Variants in DPP6 observed in about 807,000 individuals in gnomAD.
DPP6 encodes the protein dipeptidyl peptidase like 6, also known as A-type potassium channel modulatory protein DPP6.
A neutral mutation model predicts 122.6 loss-of-function variants in DPP6; 69 were observed. That is an observed-to-expected ratio of 0.56 (90% CI 0.46 to 0.69). DPP6 has a LOEUF of 0.69. Among genes scored for constraint, DPP6 ranks in the 30% least tolerant of loss-of-function variants. DPP6 has a pLI of 0.00. For missense variants in DPP6, 928 were observed against 1,116.9 expected, an observed-to-expected ratio of 0.83 and a Z score of 2.41; for synonymous variants, 418 against 433.1, an observed-to-expected ratio of 0.97 and a Z score of 0.43.
rs373298408 is a variant in DPP6 at position 154,885,771 on chromosome 7, C to T, written c.2245+27C>T. The T allele has an allele frequency of 7.9e-5, 123 of 1,559,878 alleles. No homozygotes were observed. The African/African-American group carries it at 1.3e-3, about 16-fold the overall frequency. ...TAAATAGCCCTGCAGGACCAAGCGA[C>T]GGGCTCTGCTCCCGCCCCGCCCCGC... On this transcript the variant is annotated intron_variant, in intron 22 of 25. Coordinates refer to ENST00000377770, the MANE Select transcript of DPP6 (RefSeq NM_130797.4).
chr7:154,053,088 G>C (rs1238808536), intron 1 of DPP6, 25 bp downstream of exon 1: 1 of 1,068,520 alleles, frequency 9.4e-7, no homozygotes, highest in African/African-American at 1.7e-5. Context: ...GGGGCGGGGG[G>C]CGGCGGCGGG....
chr7:153,971,523 G>A (rs1796013711), intron 1 of DPP6, among the ~76,000 whole-genome samples: 1 of 141,792 alleles, frequency 7.1e-6, no homozygotes, highest in Non-Finnish European at 1.5e-5. Flanking sequence ...GGGGAAAAGT[G>A]TTCAGTATTC....
At chr7:154,472,997 C>T (rs781276004) in intron 2 of DPP6, among the ~76,000 whole-genome samples, 8 of 152,200 alleles carry the variant, frequency 5.3e-5, no homozygotes, top group South Asian at 2.1e-4. Context: ...TTATTTCCAA[C>T]GTTTGTTTAA....
intron 1 of DPP6, among the ~76,000 whole-genome samples, chr7:154,134,299 A>G (rs35816134): frequency 6.6e-6 from 1 of 152,324 alleles, no homozygotes. Flanking sequence ...GGAAGTCTCC[A>G]GAACTATGAT....
intron 1 of DPP6, among the ~76,000 whole-genome samples, chr7:154,005,400 G>A (rs1052836950): frequency 1.3e-5 from 2 of 151,960 alleles, no homozygotes; most frequent in African/African-American, 4.8e-5. Context: ...GAGAAAGGTC[G>A]AACGCTTGGT....
In DPP6 at chr7:154,170,486, G is replaced by A. The variant is rs144933119; in HGVS notation, c.243+117423G>A. On this transcript the variant is annotated intron_variant, in intron 1 of 25. Coordinates refer to ENST00000377770, the MANE Select transcript of DPP6 (RefSeq NM_130797.4). ...TCCTGAAGACAGTGGTCACGACCTC[G>A]CCCAACCCTGGGCTGGGGCTCAGCC... Among the ~76,000 whole-genome samples, 23 of 152,270 alleles carry A rather than the reference G, an allele frequency of 1.5e-4. 1 individual carries two copies. Among genetic ancestry groups the A allele is most frequent in the African/African-American group, 4.8e-4 (20 of 41,564 alleles).
At chr7:154,825,626 G>A (rs952427506) in intron 16 of DPP6, among the ~76,000 whole-genome samples, 1 of 152,212 alleles carries the variant, frequency 6.6e-6, no homozygotes, top group East Asian at 1.9e-4. Flanking sequence ...TCAGTGTTGA[G>A]GAAGCCAGGG....
chr7:154,581,357 A>G (rs76286576), intron 5 of DPP6, among the ~76,000 whole-genome samples: 27 of 152,262 alleles, frequency 1.8e-4, no homozygotes, highest in Non-Finnish European at 1.5e-4. Context: ...GGGGACAGGA[A>G]GAAGGGGACA....
the DPP6 span, among the ~76,000 whole-genome samples, chr7:153,827,864 T>G: frequency 1.4e-3 from 207 of 152,248 alleles, 1 homozygote; most frequent in Non-Finnish European, 5.7e-4. Context: ...ACAGCTGGAC[T>G]TTTACCTGCA....
chr7:153,928,818 T>C (rs1801043267), intron 1 of DPP6, among the ~76,000 whole-genome samples: 1 of 152,130 alleles, frequency 6.6e-6, no homozygotes, highest in African/African-American at 2.4e-5. Flanking sequence ...TTAACTTATA[T>C]ATTTCAAAAC....
chr7:154,436,360 A>G (rs1161144184), intron 1 of DPP6, among the ~76,000 whole-genome samples: 3 of 151,548 alleles, frequency 2.0e-5, no homozygotes, highest in Admixed American at 2.0e-4. Context: ...CTCAGCTCAA[A>G]TTCTCTTCCT....
chr7:154,003,248 C>T (rs975874425), intron 1 of DPP6, among the ~76,000 whole-genome samples: 1 of 152,104 alleles, frequency 6.6e-6, no homozygotes, highest in Non-Finnish European at 1.5e-5. Flanking sequence ...CTAGTGGCTA[C>T]AGGATAGCAT....
At chr7:154,165,826 T>C (rs1797220695) in intron 1 of DPP6, among the ~76,000 whole-genome samples, 1 of 152,232 alleles carries the variant, frequency 6.6e-6, no homozygotes, top group Non-Finnish European at 1.5e-5. Flanking sequence ...TATCTGTTCA[T>C]GTCCTTTGCC....
intron 7 of DPP6, among the ~76,000 whole-genome samples, chr7:154,673,911 C>T (rs1838730591): frequency 6.6e-6 from 1 of 150,916 alleles, no homozygotes; most frequent in Non-Finnish European, 1.5e-5. Flanking sequence ...GAATCTCCCT[C>T]TGTCACCCAG....
At chr7:154,111,620 C>CGTGTGTGTGTGTGTGT (rs71309604) in intron 1 of DPP6, among the ~76,000 whole-genome samples, 16 of 134,996 alleles carry the variant, frequency 1.2e-4, no homozygotes, top group African/African-American at 4.1e-4. Flanking sequence ...GGCAGGGTTT[C>CGTGTGTGTGTGTGTGT]GTGTGTGTGT....
chr7:153,799,200 C>A, the DPP6 span, among the ~76,000 whole-genome samples: 2 of 152,156 alleles, frequency 1.3e-5, no homozygotes, highest in Admixed American at 6.5e-5. Context: ...CAGAAAAATT[C>A]TTCACCTTCA....
rs1461058125 is a variant in DPP6, at chr7:154,760,016, G to A, written c.884-9401G>A. ...TGCACACCTGTAGTCCCAGCTACTCGGGAGGCCGAGGCAGAAGAATCACTT... is the reference window on the plus strand; with the variant it reads ...TGCACACCTGTAGTCCCAGCTACTCAGGAGGCCGAGGCAGAAGAATCACTT... On this transcript the variant is annotated intron_variant, in intron 8 of 25. Coordinates refer to ENST00000377770, the MANE Select transcript of DPP6 (RefSeq NM_130797.4). The surrounding 1 kb of genome is among the most constrained non-coding windows in gnomAD (Gnocchi z 4.5). Among the ~76,000 whole-genome samples, 5 of 152,100 alleles carry A rather than the reference G, an allele frequency of 3.3e-5. No individual in the cohort carries two copies. The highest frequency in any genetic ancestry group is 1.9e-4 in the East Asian group (1 of 5,192).
chr7:154,270,541 C>T (rs1057386705), intron 1 of DPP6, among the ~76,000 whole-genome samples: 2 of 152,066 alleles, frequency 1.3e-5, no homozygotes, highest in Admixed American at 1.3e-4. Flanking sequence ...GTGCCATGTC[C>T]CCCAGAGGAT....
intron 1 of DPP6, among the ~76,000 whole-genome samples, chr7:154,082,666 G>C (rs1209071836): frequency 6.6e-6 from 1 of 151,654 alleles, no homozygotes; most frequent in Non-Finnish European, 1.5e-5. Flanking sequence ...TTCCTCCACT[G>C]TCAGAGGCAG....
Sources: allele counts gnomAD v4.1 joint callset (sites outside exome capture counted in the v4.1 genomes callset), GRCh38; gene constraint gnomAD v4.1.1; non-coding constraint Gnocchi (gnomAD v3.1); transcripts MANE v1.5; gene names NCBI Gene and HGNC (gene_info 2026-07-23, HGNC 2026-07-21).